PALLD: variants seen among roughly 807,000 people sequenced by gnomAD.
The protein encoded by PALLD is palladin.
A neutral mutation model predicts 123.5 loss-of-function variants in PALLD; 61 were observed. The observed-to-expected ratio is 0.49, with a 90% CI of 0.40 to 0.61. The LOEUF is 0.61. PALLD is among the 20% of genes least tolerant of loss of function. The pLI is 0.00. For synonymous variants in PALLD, 465 were observed against 496.4 expected (o/e 0.94, Z 0.84); for missense variants, 1,273 against 1,377.0 (o/e 0.92, Z 1.20).
At chr4:168,500,176 C>G (rs1761248726) in intron 1 of PALLD, among the ~76,000 whole-genome samples, 1 of 152,200 alleles carries the variant, frequency 6.6e-6, no homozygotes, top group Admixed American at 6.5e-5. Flanking sequence ...AAGCAGGTAA[C>G]TTCCAAGCTG....
chr4:168,888,747 A>G (rs1753720374), intron 10 of PALLD, among the ~76,000 whole-genome samples: 1 of 152,118 alleles, frequency 6.6e-6, no homozygotes, highest in South Asian at 2.1e-4. Flanking sequence ...GGCGTACATT[A>G]ATTACCCCCT....
chr4:168,499,180 C>CA (rs1157137965), intron 1 of PALLD, among the ~76,000 whole-genome samples: 6,610 of 16,346 alleles, frequency 0.4, 1,816 homozygotes, highest in Non-Finnish European at 0.46. Flanking sequence ...CCCTTTGTAG[C>CA]AAAAAAAAAA....
intron 10 of PALLD, among the ~76,000 whole-genome samples, chr4:168,801,712 A>G (rs1011577267): frequency 6.6e-6 from 1 of 152,210 alleles, no homozygotes; most frequent in Non-Finnish European, 1.5e-5. Context: ...AAGTAAAGTA[A>G]TTAAAGGGGT....
chr4:168,667,077 G>C (rs1427300102), intron 2 of PALLD, among the ~76,000 whole-genome samples: 1 of 152,128 alleles, frequency 6.6e-6, no homozygotes, highest in Non-Finnish European at 1.5e-5. Flanking sequence ...ATTTACTGTT[G>C]AGCATGGTTT....
chr4:168,699,038 A>G (rs550157525), intron 8 of PALLD, among the ~76,000 whole-genome samples: 2 of 152,240 alleles, frequency 1.3e-5, no homozygotes, highest in South Asian at 2.1e-4. Context: ...CCTTCTTTAT[A>G]TATGATATTA....
intron 2 of PALLD, among the ~76,000 whole-genome samples, chr4:168,534,020 T>C (rs1479944872): frequency 6.6e-6 from 1 of 152,200 alleles, no homozygotes; most frequent in Non-Finnish European, 1.5e-5. Context: ...TATATTATGG[T>C]TCATCAGGTT....
intron 10 of PALLD, among the ~76,000 whole-genome samples, chr4:168,743,635 G>A (rs926982882): frequency 9.9e-5 from 15 of 152,276 alleles, no homozygotes; most frequent in African/African-American, 3.1e-4. Context: ...TTTGGTTGGC[G>A]ATGCTCACCC....
chr4:168,818,074 G>A (rs1742226546), intron 10 of PALLD, among the ~76,000 whole-genome samples: 1 of 152,096 alleles, frequency 6.6e-6, no homozygotes, highest in Non-Finnish European at 1.5e-5. Flanking sequence ...AAAATAACCT[G>A]CCCCCCACTT....
At chr4:168,541,925 G>A (rs1420052812) in intron 2 of PALLD, among the ~76,000 whole-genome samples, 1 of 152,224 alleles carries the variant, frequency 6.6e-6, no homozygotes, top group Non-Finnish European at 1.5e-5. Context: ...GAATACAGGA[G>A]TGAACAAAAG....
At chr4:168,682,856 C>G (rs1253032696) in intron 4 of PALLD, 142 bp from the exon 5 acceptor site, 1 of 600,390 alleles carries the variant, frequency 1.7e-6, no homozygotes, top group East Asian at 2.9e-5. Context: ...GAAGCAATTA[C>G]AGTTGAAGCG....
intron 10 of PALLD, among the ~76,000 whole-genome samples, chr4:168,878,890 TATA>T (rs1350003729): frequency 1.3e-5 from 2 of 152,220 alleles, no homozygotes; most frequent in South Asian, 2.1e-4. Flanking sequence ...TGTGTTTTAT[TATA>T]ATATTTCATG....
At chr4:168,798,402 G>A (rs187577584) in intron 10 of PALLD, among the ~76,000 whole-genome samples, 31 of 152,206 alleles carry the variant, frequency 2.0e-4, no homozygotes, top group Middle Eastern at 6.8e-3. Context: ...GTCATTTTCT[G>A]AATTGTGGAA....
chr4:168,712,075 A>C lies in PALLD; in HGVS notation c.1964+152A>C, dbSNP rs1047396609. 1.2e-5 allele frequency: 8 copies of C among 672,748 alleles called. No homozygotes were observed. In the South Asian group the frequency reaches 1.3e-4, roughly 11 times the overall value. The allele number at this position is 672,748 out of a possible 1,614,324, so 41.7% of individuals were successfully genotyped here. A position where few individuals can be genotyped will look rare whatever the true frequency, so the allele number is the denominator to read the frequency against. ...GCCAAGTGGTGTCTTTCAACAATAT[A>C]AAAGACACCTAAAAATAAAGAAGGG... On this transcript the variant is annotated intron_variant, in intron 10 of 21. Transcript: ENST00000505667.
chr4:168,685,118 T>G (rs1781903304), intron 5 of PALLD, among the ~76,000 whole-genome samples: 1 of 152,252 alleles, frequency 6.6e-6, no homozygotes, highest in Non-Finnish European at 1.5e-5. Context: ...ATGGCTTTTA[T>G]GCATTGAATC....
At chr4:168,582,554 T>C (rs2149657851) in intron 2 of PALLD, among the ~76,000 whole-genome samples, 1 of 152,282 alleles carries the variant, frequency 6.6e-6, no homozygotes, top group East Asian at 1.9e-4. Context: ...GTTTATGATG[T>C]TAGCTATGGG....
rs549634763 is a variant in PALLD at position 168,510,148 on chromosome 4, T to C, written c.-82-1275T>C. Among the ~76,000 whole-genome samples, 9 of 152,330 alleles carry C rather than the reference T, an allele frequency of 5.9e-5. No individual in the cohort carries two copies. In the South Asian group the frequency reaches 1.9e-3, roughly 32 times the overall value. On this transcript the variant is annotated intron_variant, in intron 1 of 21. Coordinates refer to ENST00000505667, the MANE Select transcript of PALLD (RefSeq NM_001166108.2). ...GGCAGACATCACCGCTGATGTTTTCTAGATCGTCCCTCTCAGTACTCTATG... is the reference window on the plus strand; with the variant it reads ...GGCAGACATCACCGCTGATGTTTTCCAGATCGTCCCTCTCAGTACTCTATG...
At chr4:168,592,332 A>G (rs747324870) in intron 2 of PALLD, among the ~76,000 whole-genome samples, 1 of 151,966 alleles carries the variant, frequency 6.6e-6, no homozygotes, top group Non-Finnish European at 1.5e-5. Flanking sequence ...CCTATTATGG[A>G]TTTTTATGAG....
chr4:168,645,402 T>TG (rs1478688252), intron 2 of PALLD, among the ~76,000 whole-genome samples: 1 of 152,132 alleles, frequency 6.6e-6, no homozygotes, highest in Non-Finnish European at 1.5e-5. Context: ...ACAGATAAGA[T>TG]GGGGTGTTTG....
At chr4:168,546,231 AGT>A (rs1766123142) in intron 2 of PALLD, among the ~76,000 whole-genome samples, 1 of 152,030 alleles carries the variant, frequency 6.6e-6, no homozygotes, top group Non-Finnish European at 1.5e-5. Context: ...CAATAATGAG[AGT>A]GAGAGCAGTC....
Sources: gnomAD v4.1 joint callset for allele counts (sites outside exome capture counted in the v4.1 genomes callset) on GRCh38, gnomAD v4.1.1 for gene constraint, MANE v1.5 for transcripts, NCBI Gene and HGNC (gene_info 2026-07-23, HGNC 2026-07-21) for gene names.